MRPS6: variants seen among roughly 807,000 people sequenced by gnomAD.
The protein encoded by MRPS6 is mitochondrial ribosomal protein S6, also known as small ribosomal subunit protein bS6m.
A neutral mutation model predicts 13.1 loss-of-function variants in MRPS6; 6 were observed. The observed-to-expected ratio is 0.46, with a 90% confidence interval of 0.25 to 0.91. The LOEUF is 0.91. Among genes scored for constraint, MRPS6 ranks in the 40% least tolerant of loss-of-function variants. The pLI, the probability that MRPS6 is intolerant of heterozygous loss-of-function variation, is 0.18. For missense variants in MRPS6, 164 were observed against 155.6 expected (o/e 1.05, Z -0.29); for synonymous variants, 61 against 56.5 (o/e 1.08, Z -0.36).
At chr21:34,088,891 T>C (rs543893486) in intron 1 of MRPS6, among the ~76,000 whole-genome samples, 37 of 152,278 alleles carry the variant, frequency 2.4e-4, no homozygotes, top group African/African-American at 8.4e-4. Flanking sequence ...TTTTTAAATT[T>C]CCATTATTTA....
At chr21:34,132,960 C>T (rs191560190) in intron 2 of MRPS6, among the ~76,000 whole-genome samples, 8 of 152,244 alleles carry the variant, frequency 5.3e-5, no homozygotes, top group East Asian at 1.9e-4. Context: ...TTAAATTGTA[C>T]GACTCAAAGG....
intron 1 of MRPS6, among the ~76,000 whole-genome samples, chr21:34,116,815 C>T (rs868063427): frequency 6.6e-6 from 1 of 152,056 alleles, no homozygotes; most frequent in Admixed American, 6.6e-5. Context: ...GAACCTCATG[C>T]GAGAGGATGA....
intron 1 of MRPS6, chr21:34,095,144 A>T: frequency 6.5e-7 from 1 of 1,526,818 alleles, no homozygotes; most frequent in Non-Finnish European, 8.8e-7. Flanking sequence ...ACTAAAAATA[A>T]ATAAAAAGTT....
chr21:34,106,266 C>T (rs1194836769), intron 1 of MRPS6: 2 of 729,196 alleles, frequency 2.7e-6, no homozygotes, highest in Non-Finnish European at 3.4e-6. Context: ...ATTTATATTT[C>T]TGTGACTAAG....
At chr21:34,090,011 T>C (rs1185996605) in intron 1 of MRPS6, among the ~76,000 whole-genome samples, 1 of 152,214 alleles carries the variant, frequency 6.6e-6, no homozygotes, top group Non-Finnish European at 1.5e-5. Flanking sequence ...GCATCCCATA[T>C]CTGAACATCC....
At chr21:34,136,449 A>T (rs933408920) in intron 2 of MRPS6, among the ~76,000 whole-genome samples, 1 of 152,172 alleles carries the variant, frequency 6.6e-6, no homozygotes, top group Admixed American at 6.5e-5. Flanking sequence ...CATCCATGGA[A>T]TGCTAGTTTT....
At chr21:34,100,130 C>T (rs543374387) in intron 1 of MRPS6, 2 of 999,032 alleles carry the variant, frequency 2.0e-6, no homozygotes, top group African/African-American at 3.5e-5. Context: ...TTGATATTGA[C>T]TAGAATAGCT....
intron 1 of MRPS6, among the ~76,000 whole-genome samples, chr21:34,080,490 C>T (rs992324528): frequency 7.2e-5 from 11 of 152,154 alleles, no homozygotes; most frequent in African/African-American, 2.7e-4. Flanking sequence ...CCCTCCCTTT[C>T]CACAATACCC....
At position 34,142,601 on chromosome 21, in the gene MRPS6, G is replaced by A; in HGVS notation, c.*1G>A. ...TTCCACAAAGAAGAGGAAGAAGTGAGAAGATTCGCCAGATTTTAGCCTTAT... is the reference window on the plus strand; with the variant it reads ...TTCCACAAAGAAGAGGAAGAAGTGAAAAGATTCGCCAGATTTTAGCCTTAT... On this transcript the variant is annotated 3_prime_UTR_variant, in exon 3 of 3. Coordinates refer to ENST00000399312, the MANE Select transcript of MRPS6 (RefSeq NM_032476.4). The A allele has an allele frequency of 6.3e-7, 1 of 1,595,530 alleles. No individual in the cohort carries two copies. Among genetic ancestry groups the A allele is most frequent in the South Asian group, 1.2e-5 (1 of 86,944 alleles).
intron 1 of MRPS6, chr21:34,105,420 A>C (rs1979433719): frequency 4.0e-6 from 4 of 998,830 alleles, no homozygotes; most frequent in Non-Finnish European, 4.8e-6. Flanking sequence ...AAATTGCTTC[A>C]TTCATTCATT....
chr21:34,112,329 C>A (rs1979733661), intron 1 of MRPS6, among the ~76,000 whole-genome samples: 1 of 152,126 alleles, frequency 6.6e-6, no homozygotes, highest in South Asian at 2.1e-4. Context: ...GGGACAGACT[C>A]CTATATAATT....
rs12626990 is a variant in MRPS6 at position 34,116,340 on chromosome 21, T to A, written c.46-9001T>A. ...CATGTTTTTTTTTTTTTTTTTAATT[T>A]CTATAGGTGTTTTTGGGAACAGGTG... On this transcript the variant is annotated intron_variant, in intron 1 of 2. Transcript: ENST00000399312. 6.6e-5 allele frequency among the ~76,000 whole-genome samples: 10 copies of A among 151,420 alleles called. No individual in the cohort carries two copies. In the East Asian group the frequency reaches 1.9e-3, roughly 29 times the overall value.
chr21:34,115,014 G>A (rs1257839242), intron 1 of MRPS6, among the ~76,000 whole-genome samples: 3 of 152,152 alleles, frequency 2.0e-5, no homozygotes, highest in Admixed American at 2.0e-4. Flanking sequence ...ATGACTTAAA[G>A]GCATTTTGCC....
chr21:34,104,706 GGAA>G, intron 1 of MRPS6: 1 of 1,000,144 alleles, frequency 1.0e-6, no homozygotes, highest in Non-Finnish European at 1.2e-6. Context: ...GGGGATGAGG[GGAA>G]GAAGATTACC....
intron 1 of MRPS6, among the ~76,000 whole-genome samples, chr21:34,108,315 T>G (rs1323892039): frequency 6.6e-6 from 1 of 152,222 alleles, no homozygotes; most frequent in Non-Finnish European, 1.5e-5. Flanking sequence ...TTTCTATGTT[T>G]AGATGCTCAA....
intron 1 of MRPS6, among the ~76,000 whole-genome samples, chr21:34,114,888 G>T (rs1363213689): frequency 6.6e-6 from 1 of 152,144 alleles, no homozygotes; most frequent in African/African-American, 2.4e-5. Context: ...CTTCCCTTCT[G>T]CTCAGTGGGT....
chr21:34,137,347 G>A (rs190755090), intron 2 of MRPS6, among the ~76,000 whole-genome samples: 14 of 152,178 alleles, frequency 9.2e-5, no homozygotes, highest in Middle Eastern at 3.4e-3. Context: ...TTTCAGCAGC[G>A]TTTTGTAGTT....
chr21:34,118,017 C>T (rs1011116290), intron 1 of MRPS6, among the ~76,000 whole-genome samples: 3 of 151,976 alleles, frequency 2.0e-5, no homozygotes, highest in African/African-American at 7.3e-5. Context: ...AAAAGCCTGA[C>T]CTGTGAATCT....
chr21:34,132,935 CTCT>C (rs2123266756), intron 2 of MRPS6, among the ~76,000 whole-genome samples: 1 of 152,294 alleles, frequency 6.6e-6, no homozygotes, highest in East Asian at 1.9e-4. Flanking sequence ...TTTTGAGTCT[CTCT>C]TCTTAACTAC....
Sources: gnomAD v4.1 joint callset for allele counts (sites outside exome capture counted in the v4.1 genomes callset) on GRCh38, gnomAD v4.1.1 for gene constraint, MANE v1.5 for transcripts, NCBI Gene and HGNC (gene_info 2026-07-23, HGNC 2026-07-21) for gene names.